Variants in LPA observed in about 807,000 individuals in gnomAD.
LPA encodes the protein apolipoprotein(a).
LPA carries 199 observed loss-of-function variants against 197.9 expected under a neutral mutation model. The observed-to-expected ratio is 1.01, with a 90% CI of 0.90 to 1.13. The LOEUF (loss-of-function observed/expected upper bound fraction) is 1.13. Ranked by LOEUF, LPA falls within the 50% of genes most tolerant of loss-of-function variation. LPA has a pLI of 0.00. For missense variants in LPA, 1,853 were observed against 1,785.8 expected (o/e 1.04, Z -0.68); for synonymous variants, 715 against 639.5 (o/e 1.12, Z -1.78).
At chr6:160,576,269 G>A (rs1312602038) in intron 28 of LPA, among the ~76,000 whole-genome samples, 1 of 147,340 alleles carries the variant, frequency 6.8e-6, no homozygotes, top group Non-Finnish European at 1.5e-5. Context: ...GGCAACACAT[G>A]TCCTTTCAGA....
intron 16 of LPA, among the ~76,000 whole-genome samples, chr6:160,610,440 T>C (rs979371302): frequency 6.6e-6 from 1 of 152,176 alleles, no homozygotes; most frequent in East Asian, 1.9e-4. Context: ...CCGTGAGCAC[T>C]CTCTCATCTA....
intron 28 of LPA, among the ~76,000 whole-genome samples, chr6:160,561,060 C>A (rs543185930): frequency 6.6e-6 from 1 of 152,062 alleles, no homozygotes; most frequent in Non-Finnish European, 1.5e-5. Flanking sequence ...CAGGTGCCCA[C>A]GACCACACCC....
chr6:160,566,769 T>C (rs1203554569), intron 28 of LPA, among the ~76,000 whole-genome samples: 1 of 152,086 alleles, frequency 6.6e-6, no homozygotes, highest in Non-Finnish European at 1.5e-5. Flanking sequence ...GAGACACACA[T>C]AGGCTCAAAA....
chr6:160,593,912 T>C, intron 22 of LPA, 46 bp downstream of exon 22: 2 of 1,609,552 alleles, frequency 1.2e-6, no homozygotes, highest in Non-Finnish European at 1.7e-6. Flanking sequence ...CCAAGAGAAA[T>C]GTAAGGGGGC....
At chr6:160,651,108 C>A (rs1779997883) in intron 1 of LPA, among the ~76,000 whole-genome samples, 1 of 152,202 alleles carries the variant, frequency 6.6e-6, no homozygotes, top group South Asian at 2.1e-4. Flanking sequence ...GCTACTCTTT[C>A]TCTCCAAACC....
intron 36 of LPA, among the ~76,000 whole-genome samples, chr6:160,538,439 G>A (rs754862875): frequency 6.6e-5 from 10 of 152,190 alleles, no homozygotes; most frequent in Non-Finnish European, 1.0e-4. Flanking sequence ...TTACTAAACC[G>A]TGGTGGTAAG....
At position 160,532,657 on chromosome 6, in the gene LPA, T is replaced by G; in HGVS notation, c.5843-8A>C. On this transcript the variant is annotated splice_polypyrimidine_tract_variant and splice_region_variant and intron_variant, in intron 37 of 38. Transcript: ENST00000316300. ...GGCCAGTCCCAAAGGTACCTGTGTT[T>G]AAAAAGATGAAAGAAATGGTTACTG... 6.4e-7 allele frequency: 1 copy of G among 1,555,948 alleles called. No homozygotes were observed. Among genetic ancestry groups the G allele is most frequent in the East Asian group, 2.2e-5 (1 of 44,586 alleles).
At chr6:160,592,597 A>C (rs1371994057) in intron 22 of LPA, among the ~76,000 whole-genome samples, 2 of 152,108 alleles carry the variant, frequency 1.3e-5, no homozygotes, top group Non-Finnish European at 2.9e-5. Context: ...GTGTCTAGTA[A>C]ATTTTTAAAT....
intron 16 of LPA, among the ~76,000 whole-genome samples, chr6:160,609,523 T>C (rs762228772): frequency 2.7e-4 from 41 of 149,866 alleles, no homozygotes; most frequent in Middle Eastern, 3.4e-3. Flanking sequence ...CATCATGTAG[T>C]TTTTTTTCTC....
chr6:160,651,769 G>A (rs1780009402), intron 1 of LPA, among the ~76,000 whole-genome samples: 1 of 152,254 alleles, frequency 6.6e-6, no homozygotes, highest in South Asian at 2.1e-4. Context: ...ATGTTAATAT[G>A]TTAAAGAATC....
intron 26 of LPA, among the ~76,000 whole-genome samples, chr6:160,584,239 C>CTTCTTCTTCCTCCTT (rs1562331288): frequency 1.2e-5 from 1 of 82,616 alleles, no homozygotes; most frequent in Non-Finnish European, 2.4e-5. Flanking sequence ...TCTTCTTCTT[C>CTTCTTCTTCCTCCTT]CTCCTCCTCC....
intron 34 of LPA, 28 bp from the exon 35 acceptor site, chr6:160,541,209 G>C: frequency 6.6e-7 from 1 of 1,518,484 alleles, no homozygotes; most frequent in Non-Finnish European, 9.1e-7. Flanking sequence ...CAAGGCTTTG[G>C]TCAAATTGGA....
intron 26 of LPA, among the ~76,000 whole-genome samples, chr6:160,584,228 TTCTTCTTCTTCCTCC>T (rs1390542331): frequency 2.0e-4 from 18 of 91,516 alleles, no homozygotes; most frequent in South Asian, 5.4e-4. Context: ...CTTCTTCTTC[TTCTTCTTCTTCCTCC>T]TCCTCCTCCT....
chr6:160,594,582 G>A (rs757069351), intron 21 of LPA, among the ~76,000 whole-genome samples: 24 of 152,170 alleles, frequency 1.6e-4, no homozygotes, highest in Non-Finnish European at 2.9e-4. Context: ...GCAGGAAGCG[G>A]TCCTGCATCT....
intron 25 of LPA, 96 bp from the exon 26 acceptor site, chr6:160,585,301 C>A: frequency 3.6e-6 from 4 of 1,123,608 alleles, no homozygotes; most frequent in Non-Finnish European, 5.5e-6. Flanking sequence ...TGAGGATTAA[C>A]AATTTACACT....
intron 28 of LPA, among the ~76,000 whole-genome samples, 161 bp downstream of exon 28, chr6:160,576,975 T>C (rs1312563702): frequency 6.6e-6 from 1 of 152,130 alleles, no homozygotes; most frequent in African/African-American, 2.4e-5. Flanking sequence ...AAAATTTCTC[T>C]TCTCTTAGAC....
chr6:160,568,400 T>G (rs1778502089), intron 28 of LPA, among the ~76,000 whole-genome samples: 1 of 152,174 alleles, frequency 6.6e-6, no homozygotes, highest in Admixed American at 6.5e-5. Context: ...CATGATTATC[T>G]CAATAGATGC....
In LPA at chr6:160,587,467, C is replaced by CT. The variant is rs1305726507; in HGVS notation, c.3948-838dup. 4.6e-5 allele frequency among the ~76,000 whole-genome samples: 7 copies of CT among 152,122 alleles called. No individual in the cohort carries two copies. In the East Asian group the frequency reaches 1.3e-3, roughly 29 times the overall value. ...CAAAGCTGTTGTTCATAGGAACCCC[C>CT]TTTTTTTCTTTTTAGCTTTGAATTG... is the stretch of plus-strand genomic sequence containing the variant. On this transcript the variant is annotated intron_variant, in intron 24 of 38. Coordinates refer to ENST00000316300, the MANE Select transcript of LPA (RefSeq NM_005577.4).
chr6:160,576,358 A>C (rs1231448400), intron 28 of LPA, among the ~76,000 whole-genome samples: 1 of 36,814 alleles, frequency 2.7e-5, no homozygotes, highest in South Asian at 1.0e-3. Context: ...ATATATATAT[A>C]TATATATACA....
Sources: gnomAD v4.1 joint callset for allele counts (sites outside exome capture counted in the v4.1 genomes callset) on GRCh38, gnomAD v4.1.1 for gene constraint, MANE v1.5 for transcripts, NCBI Gene and HGNC (gene_info 2026-07-23, HGNC 2026-07-21) for gene names.